Variants in SLCO3A1 observed in about 807,000 individuals in gnomAD.
The protein encoded by SLCO3A1 is solute carrier organic anion transporter family member 3A1.
In SLCO3A1, 27 loss-of-function variants were observed where a neutral mutation model predicts 63.1. The ratio of observed to expected loss-of-function variants is 0.43; its 90% confidence interval spans 0.32 to 0.59. SLCO3A1 has a LOEUF of 0.59. Among genes scored for constraint, SLCO3A1 ranks in the 20% least tolerant of loss-of-function variants. The probability of loss-of-function intolerance (pLI) is 0.09; values close to 1 mark genes in which losing one functional copy is unlikely to be tolerated. For missense variants in SLCO3A1, 773 were observed against 945.8 expected (o/e 0.82, Z 2.40); for synonymous variants, 473 against 409.9 (o/e 1.15, Z -1.86).
At chr15:92,125,900 A>G (rs117189450) in intron 5 of SLCO3A1, among the ~76,000 whole-genome samples, 161 bp from the exon 6 acceptor site, 1 of 151,174 alleles carries the variant, frequency 6.6e-6, no homozygotes, top group East Asian at 2.0e-4. Flanking sequence ...GGGGGCATAA[A>G]TCAGGCCCTT....
At chr15:91,927,602 C>G (rs1025279279) in intron 2 of SLCO3A1, among the ~76,000 whole-genome samples, 2 of 152,170 alleles carry the variant, frequency 1.3e-5, no homozygotes, top group African/African-American at 4.8e-5. Flanking sequence ...ATTGGCGTTG[C>G]ACTCATTCTG....
At chr15:92,038,554 A>G (rs568444740) in intron 2 of SLCO3A1, among the ~76,000 whole-genome samples, 1 of 152,314 alleles carries the variant, frequency 6.6e-6, no homozygotes, top group South Asian at 2.1e-4. Flanking sequence ...AGGGATGTGA[A>G]GGACCTCTTC....
At chr15:92,096,345 G>A (rs77513515) in intron 3 of SLCO3A1, among the ~76,000 whole-genome samples, 4,273 of 152,244 alleles carry the variant, frequency 0.028, 95 homozygotes, top group Admixed American at 0.05. Flanking sequence ...GCTGTATTTC[G>A]TTTGTTAGAA....
chr15:92,137,049 T>G (rs2048067621), intron 7 of SLCO3A1, among the ~76,000 whole-genome samples: 1 of 149,492 alleles, frequency 6.7e-6, no homozygotes, highest in South Asian at 2.1e-4. Context: ...TGTATACATG[T>G]GCCATGCTGG....
intron 3 of SLCO3A1, among the ~76,000 whole-genome samples, chr15:92,101,681 G>A (rs1392956972): frequency 6.6e-6 from 1 of 152,078 alleles, no homozygotes; most frequent in African/African-American, 2.4e-5. Context: ...ATTTCTCTCT[G>A]CCACAGTGCT....
chr15:92,084,447 C>G (rs1398787932), intron 2 of SLCO3A1, among the ~76,000 whole-genome samples: 1 of 152,114 alleles, frequency 6.6e-6, no homozygotes, highest in Non-Finnish European at 1.5e-5. Context: ...GAAACTGAGG[C>G]CGAGGGAGCA....
At chr15:91,981,354 T>C (rs1176912554) in intron 2 of SLCO3A1, among the ~76,000 whole-genome samples, 1 of 152,174 alleles carries the variant, frequency 6.6e-6, no homozygotes, top group Admixed American at 6.5e-5. Context: ...TGTAAACTCG[T>C]CCTGTGAGGC....
At position 91,915,912 on chromosome 15, in the gene SLCO3A1, G is replaced by C; in HGVS notation, c.181-81G>C. 2.5e-6 allele frequency: 3 copies of C among 1,216,156 alleles called. No individual in the cohort carries two copies. The South Asian group carries it at 3.8e-5, about 16-fold the overall frequency. The allele number at this position is 1,216,156 out of a possible 1,614,324, so 75.3% of individuals were successfully genotyped here. A position where few individuals can be genotyped will look rare whatever the true frequency, so the allele number is the denominator to read the frequency against. ...GGGAGGGTCCCGGGGGGGATGGGCA[G>C]AGCGCACTGTCAGGCGGGAAGGAGA... On this transcript the variant is annotated intron_variant, in intron 1 of 9. Transcript: ENST00000318445.
chr15:91,919,704 G>C (rs901249592), intron 2 of SLCO3A1, among the ~76,000 whole-genome samples: 1 of 151,988 alleles, frequency 6.6e-6, no homozygotes. Flanking sequence ...TTTTATGAAA[G>C]TGTAAGTAGG....
chr15:92,046,108 C>T (rs1287523636), intron 2 of SLCO3A1, among the ~76,000 whole-genome samples: 1 of 152,096 alleles, frequency 6.6e-6, no homozygotes. Context: ...CTAATCGGAG[C>T]TAGAAGGGAT....
chr15:91,985,923 G>A (rs1246176792), intron 2 of SLCO3A1, among the ~76,000 whole-genome samples: 2 of 152,160 alleles, frequency 1.3e-5, no homozygotes, highest in Non-Finnish European at 2.9e-5. Flanking sequence ...AGGCCTTCGA[G>A]GAGCAGGATG....
At chr15:91,956,448 G>C (rs1191952444) in intron 2 of SLCO3A1, among the ~76,000 whole-genome samples, 1 of 152,126 alleles carries the variant, frequency 6.6e-6, no homozygotes, top group African/African-American at 2.4e-5. Flanking sequence ...TTTGTGAGTG[G>C]AGTAAGCGGA....
intron 6 of SLCO3A1, among the ~76,000 whole-genome samples, chr15:92,128,073 G>A (rs1196185323): frequency 1.3e-5 from 2 of 152,136 alleles, no homozygotes; most frequent in African/African-American, 2.4e-5. Flanking sequence ...TCATGAGAGG[G>A]GCTGGAGTGG....
rs2048480548 is a variant in SLCO3A1, at chr15:92,164,895, A to AACTT, written c.*1764_*1767dup. 5.1e-6 allele frequency: 5 copies of AACTT among 985,252 alleles called. No individual in the cohort carries two copies. The highest frequency in any genetic ancestry group is 1.1e-4 in the East Asian group (1 of 8,824). 61.0% of individuals were successfully genotyped at this position (985,252 alleles called of 1,614,324 possible). ...TACACACACAACAAAGGGCCCTGCTAACTTACTCCTCATGCTGCTTCAGTG... is the reference window on the plus strand; with the variant it reads ...TACACACACAACAAAGGGCCCTGCTAACTTACTTACTCCTCATGCTGCTTCAGTG... On this transcript the variant is annotated 3_prime_UTR_variant, in exon 10 of 10. Coordinates refer to ENST00000318445, the MANE Select transcript of SLCO3A1 (RefSeq NM_013272.4).
chr15:92,045,755 T>A (rs1320070921), intron 2 of SLCO3A1, among the ~76,000 whole-genome samples: 1 of 152,216 alleles, frequency 6.6e-6, no homozygotes, highest in Non-Finnish European at 1.5e-5. Context: ...TTTATTGAGC[T>A]ACTGCGGAGT....
chr15:92,015,531 TC>T (rs1193578939), intron 2 of SLCO3A1, among the ~76,000 whole-genome samples: 28 of 152,206 alleles, frequency 1.8e-4, no homozygotes, highest in Admixed American at 1.8e-3. Context: ...CCCAGGTCTC[TC>T]CCTTGACACA....
At chr15:92,016,682 T>C (rs1454466936) in intron 2 of SLCO3A1, among the ~76,000 whole-genome samples, 2 of 151,840 alleles carry the variant, frequency 1.3e-5, no homozygotes, top group African/African-American at 2.4e-5. Context: ...GGAGAGAGAA[T>C]GAATTCCAGA....
chr15:92,128,620 T>C lies in SLCO3A1; in HGVS notation c.1512+131T>C, dbSNP rs1209848624. Reference sequence around the variant, plus strand: ...GCTGTTGCCTTGCTGTAGTGGAAGATGTTCCATCAGCAGGATGAGAGGACT... The same window carrying C: ...GCTGTTGCCTTGCTGTAGTGGAAGACGTTCCATCAGCAGGATGAGAGGACT... On this transcript the variant is annotated intron_variant, in intron 7 of 9. Transcript: ENST00000318445. 4 of 759,144 alleles carry C rather than the reference T, an allele frequency of 5.3e-6. No individual in the cohort carries two copies. The African/African-American group carries it at 5.3e-5, about 10-fold the overall frequency. 47.0% of individuals were successfully genotyped at this position (759,144 alleles called of 1,614,324 possible). A position where few individuals can be genotyped will look rare whatever the true frequency, so the allele number is the denominator to read the frequency against.
At chr15:92,151,198 T>A (rs563760319) in intron 9 of SLCO3A1, 184 bp downstream of exon 9, 1 of 557,494 alleles carries the variant, frequency 1.8e-6, no homozygotes, top group East Asian at 3.0e-5. Context: ...ACTGCCTCGA[T>A]ATCACGAAGT....
Sources: allele counts gnomAD v4.1 joint callset (sites outside exome capture counted in the v4.1 genomes callset), GRCh38; gene constraint gnomAD v4.1.1; transcripts MANE v1.5; gene names NCBI Gene and HGNC (gene_info 2026-07-23, HGNC 2026-07-21).